Variants in WWOX observed in about 807,000 individuals in gnomAD.
WWOX encodes WW domain containing oxidoreductase, also known as WW domain-containing oxidoreductase.
WWOX carries 69 observed loss-of-function variants against 46.2 expected under a neutral mutation model. That is an observed-to-expected ratio of 1.49 (90% CI 1.23 to 1.82). WWOX has a LOEUF of 1.82. WWOX is among the 40% of genes most tolerant of loss of function. WWOX has a pLI of 0.00. For synonymous variants in WWOX, 359 were observed against 202.6 expected (o/e 1.77, Z -6.56); for missense variants, 919 against 542.6 (o/e 1.69, Z -6.89).
intron 8 of WWOX, among the ~76,000 whole-genome samples, chr16:78,632,622 G>C (rs1026319811): frequency 1.5e-5 from 2 of 133,942 alleles, no homozygotes; most frequent in Admixed American, 9.2e-5. Flanking sequence ...GCAATGGTGC[G>C]ATCTCAGCTC....
intron 8 of WWOX, among the ~76,000 whole-genome samples, chr16:79,095,011 C>T (rs1282867104): frequency 6.6e-6 from 1 of 152,154 alleles, no homozygotes. Context: ...TGGCTTATTT[C>T]TAAGTCCCTT....
intron 8 of WWOX, among the ~76,000 whole-genome samples, chr16:78,550,339 C>G (rs563786344): frequency 6.6e-6 from 1 of 152,138 alleles, no homozygotes; most frequent in East Asian, 1.9e-4. Flanking sequence ...CTACAAGGTA[C>G]CTATCACAAC....
intron 8 of WWOX, among the ~76,000 whole-genome samples, chr16:79,159,488 C>T (rs547421049): frequency 2.0e-5 from 3 of 152,240 alleles, no homozygotes; most frequent in Middle Eastern, 3.4e-3. Context: ...TACTGGGAGA[C>T]GGTTGTTATA....
chr16:78,791,493 G>A (rs918507675), intron 8 of WWOX, among the ~76,000 whole-genome samples: 10 of 152,128 alleles, frequency 6.6e-5, no homozygotes, highest in African/African-American at 1.9e-4. Context: ...TTGCCCTGTC[G>A]TGGTCTTGGC....
chr16:78,363,020 A>C (rs2081445035), intron 5 of WWOX, among the ~76,000 whole-genome samples: 1 of 152,246 alleles, frequency 6.6e-6, no homozygotes, highest in Non-Finnish European at 1.5e-5. Flanking sequence ...GTAGGGGAGA[A>C]GACTTTCCTT....
At chr16:78,737,829 A>T (rs903349224) in intron 8 of WWOX, among the ~76,000 whole-genome samples, 3 of 152,126 alleles carry the variant, frequency 2.0e-5, no homozygotes, top group Admixed American at 2.0e-4. Context: ...TAAACTCTGG[A>T]GTGTGTCCTG....
At chr16:78,285,291 T>C (rs939313537) in intron 5 of WWOX, among the ~76,000 whole-genome samples, 21 of 151,620 alleles carry the variant, frequency 1.4e-4, no homozygotes, top group Admixed American at 6.6e-4. Flanking sequence ...AAAACAAAAT[T>C]AACCGGGCTG....
intron 8 of WWOX, among the ~76,000 whole-genome samples, chr16:79,069,711 G>A (rs1357496660): frequency 6.6e-6 from 1 of 152,170 alleles, no homozygotes. Context: ...AATTAAATGA[G>A]GCAGTGTGTG....
intron 8 of WWOX, among the ~76,000 whole-genome samples, chr16:78,869,932 T>C (rs959873988): frequency 6.6e-6 from 1 of 152,192 alleles, no homozygotes; most frequent in African/African-American, 2.4e-5. Context: ...ATCATTGACG[T>C]CAGTGCCTTG....
chr16:78,951,623 A>G (rs1170893358), intron 8 of WWOX, among the ~76,000 whole-genome samples: 1 of 152,226 alleles, frequency 6.6e-6, no homozygotes. Flanking sequence ...CCATCCCAGG[A>G]GACAGTGGCA....
intron 4 of WWOX, among the ~76,000 whole-genome samples, chr16:78,161,941 A>G (rs1445092198): frequency 6.6e-6 from 1 of 152,168 alleles, no homozygotes; most frequent in Admixed American, 6.5e-5. Context: ...TATTATTGAT[A>G]TAGTAATTTT....
chr16:79,069,972 A>G (rs1023357285), intron 8 of WWOX, among the ~76,000 whole-genome samples: 7 of 152,258 alleles, frequency 4.6e-5, no homozygotes, highest in African/African-American at 1.7e-4. Flanking sequence ...AAGGCAACCA[A>G]TTAGTATTCA....
intron 5 of WWOX, among the ~76,000 whole-genome samples, chr16:78,288,716 T>C (rs939746386): frequency 6.6e-6 from 1 of 152,138 alleles, no homozygotes; most frequent in Non-Finnish European, 1.5e-5. Context: ...GTGTCAGTTT[T>C]CCTTTATCGG....
chr16:79,030,621 C>T (rs1173934921), intron 8 of WWOX, among the ~76,000 whole-genome samples: 1 of 152,214 alleles, frequency 6.6e-6, no homozygotes, highest in South Asian at 2.1e-4. Context: ...GATTAGACAC[C>T]CTTGTTTTCG....
At chr16:78,819,939 C>A (rs764723194) in intron 8 of WWOX, among the ~76,000 whole-genome samples, 5 of 152,160 alleles carry the variant, frequency 3.3e-5, no homozygotes, top group Non-Finnish European at 7.3e-5. Context: ...TTTATGTATT[C>A]ACTCATCTAT....
chr16:78,435,821 C>T (rs536982659), intron 8 of WWOX, among the ~76,000 whole-genome samples: 10 of 152,208 alleles, frequency 6.6e-5, no homozygotes, highest in Admixed American at 1.3e-4. Context: ...TGTCTCATTA[C>T]GATGAAAATT....
chr16:78,703,853 A>AT (rs1359735893), intron 8 of WWOX, among the ~76,000 whole-genome samples: 1 of 151,770 alleles, frequency 6.6e-6, no homozygotes, highest in Non-Finnish European at 1.5e-5. Context: ...ATGACAGAAC[A>AT]TTTTTCTGAA....
At chr16:78,371,070 T>C (rs1474078747) in intron 5 of WWOX, among the ~76,000 whole-genome samples, 1 of 151,954 alleles carries the variant, frequency 6.6e-6, no homozygotes, top group Non-Finnish European at 1.5e-5. Flanking sequence ...CATCCTTTAA[T>C]TAGCATTCAA....
intron 8 of WWOX, among the ~76,000 whole-genome samples, chr16:78,602,707 A>C (rs2045650625): frequency 6.6e-6 from 1 of 152,154 alleles, no homozygotes; most frequent in Admixed American, 6.5e-5. Context: ...AATAACAATA[A>C]ATCATTTTTC....
Sources: allele counts gnomAD v4.1 joint callset (sites outside exome capture counted in the v4.1 genomes callset), GRCh38; gene constraint gnomAD v4.1.1; transcripts MANE v1.5; gene names NCBI Gene and HGNC (gene_info 2026-07-23, HGNC 2026-07-21).